The following TANGO6 variants were observed in gnomAD, a reference collection of about 807,000 sequenced individuals.
The protein encoded by TANGO6 is transport and Golgi organization protein 6 homolog.
A neutral mutation model predicts 114.2 loss-of-function variants in TANGO6; 90 were observed. That is an observed-to-expected ratio of 0.79 (90% CI 0.66 to 0.94). The LOEUF is 0.94. Among genes scored for constraint, TANGO6 ranks in the 40% least tolerant of loss-of-function variants. The probability of loss-of-function intolerance (pLI) is 0.00; values close to 1 mark genes in which losing one functional copy is unlikely to be tolerated. For missense variants in TANGO6, 1,274 were observed against 1,315.3 expected (o/e 0.97, Z 0.49); for synonymous variants, 477 against 509.8 (o/e 0.94, Z 0.87).
intron 14 of TANGO6, among the ~76,000 whole-genome samples, chr16:68,957,420 C>T (rs1963542791): frequency 7.4e-6 from 1 of 135,908 alleles, no homozygotes; most frequent in Non-Finnish European, 1.5e-5. Context: ...TTTTTTGAGA[C>T]AGTGTCTCGC....
At chr16:69,074,855 A>T (rs56105569) in intron 17 of TANGO6, among the ~76,000 whole-genome samples, 13,480 of 132,366 alleles carry the variant, frequency 0.1, 678 homozygotes, top group South Asian at 0.21. Flanking sequence ...TATTATTATT[A>T]TTTTTTTTTG....
chr16:68,901,283 C>A (rs1407567145), intron 8 of TANGO6, among the ~76,000 whole-genome samples: 2 of 152,144 alleles, frequency 1.3e-5, no homozygotes, highest in African/African-American at 2.4e-5. Flanking sequence ...TAAATGGTAG[C>A]TATCATTATC....
chr16:68,944,031 G>A (rs552534422), intron 14 of TANGO6, among the ~76,000 whole-genome samples: 5 of 152,214 alleles, frequency 3.3e-5, no homozygotes, highest in African/African-American at 7.2e-5. Flanking sequence ...CTTTGAGTCC[G>A]GGTTGGGTTT....
At position 68,951,415 on chromosome 16, in the gene TANGO6, A is replaced by G. The variant is rs550405854; in HGVS notation, c.2701+21120A>G. Among the ~76,000 whole-genome samples the G allele has an allele frequency of 1.1e-4, 16 of 152,168 alleles. No homozygotes were observed. In the South Asian group the frequency reaches 3.1e-3, roughly 30 times the overall value. On this transcript the variant is annotated intron_variant, in intron 14 of 17. Coordinates refer to ENST00000261778, the MANE Select transcript of TANGO6 (RefSeq NM_024562.2). ...AGTGGAGCAAAATGGGCATGAAGGC[A>G]AGGTATAGGAGTCAGTATCTTCATC... is the stretch of plus-strand genomic sequence containing the variant.
intron 5 of TANGO6, among the ~76,000 whole-genome samples, chr16:68,876,828 AAAC>A (rs1049803744): frequency 3.9e-5 from 6 of 152,174 alleles, no homozygotes; most frequent in African/African-American, 1.4e-4. Context: ...CTGAAAAGAA[AAAC>A]AACAAAAAAC....
chr16:68,997,342 G>C (rs1194821362), intron 15 of TANGO6, among the ~76,000 whole-genome samples: 2 of 152,172 alleles, frequency 1.3e-5, no homozygotes, highest in Non-Finnish European at 2.9e-5. Flanking sequence ...CTATACTTAC[G>C]GTTATTTCTT....
intron 17 of TANGO6, among the ~76,000 whole-genome samples, chr16:69,079,963 C>G (rs191413918): frequency 6.6e-6 from 1 of 152,244 alleles, no homozygotes; most frequent in African/African-American, 2.4e-5. Flanking sequence ...GCTTATGCCT[C>G]TAATCTTGAC....
At position 68,920,804 on chromosome 16, in the gene TANGO6, A is replaced by T. The variant is rs527247926; in HGVS notation, c.2127+1585A>T. 2.6e-3 allele frequency among the ~76,000 whole-genome samples: 398 copies of T among 151,070 alleles called. 2 individuals carry two copies. The highest frequency in any genetic ancestry group is 0.014 in the Middle Eastern group (4 of 292). On this transcript the variant is annotated intron_variant, in intron 12 of 17. Transcript: ENST00000261778. ...AATTATATATTTTCCATATTGTTTTAAAAAAAAAGCTTTTGGTTCAGTTTC... is the reference window on the plus strand; with the variant it reads ...AATTATATATTTTCCATATTGTTTTTAAAAAAAAGCTTTTGGTTCAGTTTC...
intron 17 of TANGO6, among the ~76,000 whole-genome samples, chr16:69,062,707 G>A (rs1178835831): frequency 1.3e-5 from 2 of 148,608 alleles, no homozygotes; most frequent in Non-Finnish European, 1.5e-5. Context: ...CACTGACCTC[G>A]CGTGATCCAC....
intron 15 of TANGO6, among the ~76,000 whole-genome samples, chr16:68,985,776 G>A (rs1435522157): frequency 6.6e-6 from 1 of 152,204 alleles, no homozygotes; most frequent in East Asian, 1.9e-4. Flanking sequence ...CTCCAGAAAT[G>A]TACAGTCTTT....
At chr16:69,002,548 G>T (rs1181463702) in intron 15 of TANGO6, among the ~76,000 whole-genome samples, 1 of 152,020 alleles carries the variant, frequency 6.6e-6, no homozygotes, top group African/African-American at 2.4e-5. Flanking sequence ...CTCTCTCTTT[G>T]CCTGCTGTCA....
chr16:68,885,788 T>C (rs1962531555), intron 7 of TANGO6: 1 of 152,232 alleles, frequency 6.6e-6, no homozygotes, highest in African/African-American at 2.4e-5. Context: ...TGTTCATCTG[T>C]TGATGGATAT....
At chr16:68,952,622 T>C (rs546272256) in intron 14 of TANGO6, among the ~76,000 whole-genome samples, 10 of 152,328 alleles carry the variant, frequency 6.6e-5, no homozygotes, top group Admixed American at 2.0e-4. Context: ...TCAGGTCACG[T>C]TGAGAACTTG....
chr16:68,875,326 T>C, intron 5 of TANGO6, 36 bp downstream of exon 5: 1 of 1,598,236 alleles, frequency 6.3e-7, no homozygotes, highest in Non-Finnish European at 8.6e-7. Flanking sequence ...ATTTGAGGAT[T>C]ATCTGCTTAT....
chr16:69,070,939 A>C (rs1281845278), intron 17 of TANGO6, among the ~76,000 whole-genome samples: 1 of 151,702 alleles, frequency 6.6e-6, no homozygotes, highest in East Asian at 2.0e-4. Flanking sequence ...ATGCCCAGCT[A>C]ATTTTTGTAC....
intron 6 of TANGO6, among the ~76,000 whole-genome samples, chr16:68,879,909 C>T (rs1275764236): frequency 1.3e-5 from 2 of 151,770 alleles, no homozygotes; most frequent in East Asian, 3.9e-4. Context: ...AGCCACCACA[C>T]CTGGCCAACT....
chr16:68,929,799 A>C (rs1963217138), intron 13 of TANGO6, among the ~76,000 whole-genome samples: 1 of 152,246 alleles, frequency 6.6e-6, no homozygotes, highest in Non-Finnish European at 1.5e-5. Context: ...CAATAATAAC[A>C]TCTCTATCTC....
intron 7 of TANGO6, among the ~76,000 whole-genome samples, chr16:68,886,331 C>T (rs539115980): frequency 2.0e-5 from 3 of 151,804 alleles, no homozygotes; most frequent in South Asian, 4.2e-4. Context: ...AATCCTACTA[C>T]CTCAGCCTCC....
At position 68,909,368 on chromosome 16, in the gene TANGO6, G is replaced by C; in HGVS notation, c.1958G>C (p.Arg653Thr). The C allele has an allele frequency of 6.3e-7, 1 of 1,582,614 alleles. No homozygotes were observed. ...VLQLMAVLCE[R>T]MSEQIFTNVT... is the part of the protein sequence containing the mutation. ...CAGCTGATGGCTGTTCTGTGCGAGA[G>C]AATGTCTGAGCAGATATTCACAAAC... The change falls in exon 11 of 18, where the codon AGA (arginine) becomes ACA (threonine). Residue 653 changes from arginine to threonine, a missense_variant. Physicochemically the swap from Arg to Thr is moderately conservative, Grantham distance 71. Coordinates refer to ENST00000261778, the MANE Select transcript of TANGO6 (RefSeq NM_024562.2).
Sources: gnomAD v4.1 joint callset for allele counts (sites outside exome capture counted in the v4.1 genomes callset) on GRCh38, gnomAD v4.1.1 for gene constraint, MANE v1.5 for transcripts, NCBI Gene and HGNC (gene_info 2026-07-23, HGNC 2026-07-21) for gene names.